RBKS: variants seen among roughly 807,000 people sequenced by gnomAD.
RBKS encodes ribokinase.
A neutral mutation model predicts 33.9 loss-of-function variants in RBKS; 33 were observed. That is an observed-to-expected ratio of 0.97 (90% confidence interval 0.74 to 1.30). The LOEUF is 1.30. Ranked by LOEUF, RBKS falls within the 50% of genes most tolerant of loss-of-function variation. The pLI is 0.00. For missense variants in RBKS, 361 were observed against 392.6 expected (o/e 0.92, Z 0.68); for synonymous variants, 125 against 143.0 (o/e 0.87, Z 0.90).
At chr2:27,877,346 A>C (rs534511830) in intron 1 of RBKS, among the ~76,000 whole-genome samples, 134 of 151,914 alleles carry the variant, frequency 8.8e-4, no homozygotes, top group Non-Finnish European at 1.7e-3. Context: ...TTGTATTTTA[A>C]CATTCTTTTT....
intron 4 of RBKS, among the ~76,000 whole-genome samples, chr2:27,844,747 G>T (rs150797104): frequency 6.6e-6 from 1 of 152,130 alleles, no homozygotes; most frequent in East Asian, 1.9e-4. Flanking sequence ...GGACATATTG[G>T]GTTAAATATA....
intron 7 of RBKS, among the ~76,000 whole-genome samples, chr2:27,815,578 C>A (rs920099852): frequency 3.9e-5 from 6 of 152,158 alleles, no homozygotes; most frequent in Admixed American, 2.0e-4. Context: ...CTAAGAAAAT[C>A]TTTTGTGTTG....
intron 7 of RBKS, among the ~76,000 whole-genome samples, chr2:27,814,969 A>T (rs1678059206): frequency 6.6e-6 from 1 of 152,252 alleles, no homozygotes; most frequent in South Asian, 2.1e-4. Context: ...CATTCATGCA[A>T]TTAACTGTTT....
intron 6 of RBKS, among the ~76,000 whole-genome samples, chr2:27,832,269 G>A (rs183963696): frequency 6.6e-6 from 1 of 152,276 alleles, no homozygotes; most frequent in East Asian, 1.9e-4. Flanking sequence ...ATAAATGACA[G>A]GTAATTTTAC....
chr2:27,851,331 T>A (rs1663741394), intron 2 of RBKS, among the ~76,000 whole-genome samples: 2 of 152,168 alleles, frequency 1.3e-5, no homozygotes, highest in South Asian at 4.1e-4. Context: ...CCCTTGTTAA[T>A]CCTCTCATCT....
At chr2:27,849,556 T>C (rs1663691171) in intron 2 of RBKS, among the ~76,000 whole-genome samples, 1 of 47,350 alleles carries the variant, frequency 2.1e-5, no homozygotes, top group Admixed American at 4.1e-4. Flanking sequence ...CAAGACTCTG[T>C]CTCAAAAAAA....
Position 27,781,662 on chromosome 2 carries a change from G to C in RBKS, c.922C>G (p.Gln308Glu). 6.2e-7 allele frequency: 1 copy of C among 1,613,940 alleles called. No homozygotes were observed. The highest frequency in any genetic ancestry group is 8.5e-7 in the Non-Finnish European group (1 of 1,179,910). The change falls in exon 8 of 8, where the codon CAG becomes GAG. Residue 308 changes from glutamine (Q) to glutamate (E), a missense_variant. Transcript: ENST00000302188. ...TCTTTTTTGTAAGGGTAAGATGACT[G>C]TGTTCCTGCAGCCTGGACACTGACT... ...AAVSVQAAGT[Q>E]SSYPYKKDLP... is the part of the protein sequence containing the mutation.
At chr2:27,802,628 G>T (rs55768808) in intron 7 of RBKS, among the ~76,000 whole-genome samples, 1 of 152,136 alleles carries the variant, frequency 6.6e-6, no homozygotes, top group Non-Finnish European at 1.5e-5. Flanking sequence ...GGGACTTCTA[G>T]TGAGTTAAGA....
At chr2:27,849,419 C>T (rs984517053) in intron 2 of RBKS, among the ~76,000 whole-genome samples, 5 of 151,392 alleles carry the variant, frequency 3.3e-5, no homozygotes, top group East Asian at 1.9e-4. Flanking sequence ...AAAAATCAGC[C>T]GGGTGTGGTG....
chr2:27,861,775 C>T (rs1663993256), intron 1 of RBKS, among the ~76,000 whole-genome samples: 2 of 151,604 alleles, frequency 1.3e-5, no homozygotes, highest in Admixed American at 1.3e-4. Context: ...CCTCAGCCTC[C>T]CGAGTAGCTG....
rs757564462 is a variant in RBKS at position 27,781,636 on chromosome 2, G to T, written c.948C>A (p.Asp316Glu). The T allele has an allele frequency of 1.4e-5, 23 of 1,611,980 alleles. No individual in the cohort carries two copies. The highest frequency in any genetic ancestry group is 1.7e-4 in the Middle Eastern group (1 of 6,052). The change falls in exon 8 of 8, where the codon GAC (aspartate) becomes GAA (glutamate). Residue 316 changes from aspartate (D) to glutamate (E), a missense_variant. Asp to Glu is a conservative substitution (Grantham distance 45, BLOSUM62 2). Transcript: ENST00000302188. Reference sequence around the variant, plus strand: ...GCAATCAAAACAGAGTAAGCGGAAGGTCTTTTTTGTAAGGGTAAGATGACT... The same window carrying T: ...GCAATCAAAACAGAGTAAGCGGAAGTTCTTTTTTGTAAGGGTAAGATGACT... ...GTQSSYPYKK[D>E]LPLTLF is the part of the protein sequence containing the mutation.
Position 27,858,445 on chromosome 2 carries a change from C to T in RBKS, c.216G>A (p.Val72=), listed in dbSNP as rs1663903345. The T allele has an allele frequency of 1.9e-6, 3 of 1,612,728 alleles. No individual in the cohort carries two copies. The highest frequency in any genetic ancestry group is 1.3e-5 in the African/African-American group (1 of 74,808). The part of the protein sequence containing the change: ...AARLGAMTSM[V]CKVGKDSFGN... Reference sequence around the variant, plus strand: ...CACTATACTTTGTACTTACCTTACACACCATGGACGTCATTGCTCCAAGCC... The same window carrying T: ...CACTATACTTTGTACTTACCTTACATACCATGGACGTCATTGCTCCAAGCC... Residue 72 remains valine (V), a synonymous_variant, in exon 2 of 8, where the codon GTG becomes GTA. Coordinates refer to ENST00000302188, the MANE Select transcript of RBKS (RefSeq NM_022128.3).
chr2:27,859,895 C>T (rs1031246424), intron 1 of RBKS, among the ~76,000 whole-genome samples: 6 of 152,090 alleles, frequency 3.9e-5, no homozygotes, highest in African/African-American at 1.2e-4. Context: ...CAGTTTGCAA[C>T]GGGATGACAT....
chr2:27,877,054 CTT>C (rs1664327733), intron 1 of RBKS, among the ~76,000 whole-genome samples: 1 of 152,146 alleles, frequency 6.6e-6, no homozygotes. Flanking sequence ...AAGGTAAAAA[CTT>C]TAATCCTGGC....
At chr2:27,838,698 A>T (rs1419812350) in intron 5 of RBKS, among the ~76,000 whole-genome samples, 2 of 152,236 alleles carry the variant, frequency 1.3e-5, no homozygotes, top group Non-Finnish European at 2.9e-5. Flanking sequence ...AAGAATGCAA[A>T]TCTGTAATAG....
At chr2:27,803,892 A>G (rs979159906) in intron 7 of RBKS, among the ~76,000 whole-genome samples, 1 of 152,086 alleles carries the variant, frequency 6.6e-6, no homozygotes, top group Non-Finnish European at 1.5e-5. Flanking sequence ...ACATAAAAAA[A>G]GTACAAAAAT....
intron 1 of RBKS, chr2:27,889,934 G>A (rs1376193614): frequency 3.6e-6 from 1 of 278,796 alleles, no homozygotes; most frequent in Non-Finnish European, 6.7e-6. Flanking sequence ...GCTCGTTTGG[G>A]GAAAGGCTCA....
chr2:27,827,809 C>A, intron 6 of RBKS, 54 bp from the exon 7 acceptor site: 1 of 1,412,672 alleles, frequency 7.1e-7, no homozygotes, highest in South Asian at 1.5e-5. Flanking sequence ...AACCTGAATC[C>A]ACTTCCAGAT....
intron 1 of RBKS, among the ~76,000 whole-genome samples, chr2:27,862,375 T>C (rs1452510541): frequency 1.3e-5 from 2 of 152,204 alleles, no homozygotes; most frequent in Admixed American, 6.5e-5. Context: ...AGTTTGTGTG[T>C]TATTTTATAT....
Sources: gnomAD v4.1 joint callset for allele counts (sites outside exome capture counted in the v4.1 genomes callset) on GRCh38, gnomAD v4.1.1 for gene constraint, MANE v1.5 for transcripts, NCBI Gene and HGNC (gene_info 2026-07-23, HGNC 2026-07-21) for gene names.